LCORL: variants seen among roughly 807,000 people sequenced by gnomAD.
LCORL encodes ligand dependent nuclear receptor corepressor like, also known as ligand-dependent nuclear receptor corepressor-like protein.
A neutral mutation model predicts 141.8 loss-of-function variants in LCORL; 41 were observed. That is an observed-to-expected ratio of 0.29 (90% CI 0.23 to 0.38). The LOEUF (loss-of-function observed/expected upper bound fraction) is 0.38, where lower values mean the gene tolerates loss of function less well. LCORL is among the 10% of genes least tolerant of loss of function. LCORL has a pLI of 1.00. For synonymous variants in LCORL, 618 were observed against 694.1 expected (o/e 0.89, Z 1.72); for missense variants, 1,759 against 2,035.0 (o/e 0.86, Z 2.61).
At chr4:17,858,420 A>G (rs539164745) in intron 7 of LCORL, among the ~76,000 whole-genome samples, 1 of 152,014 alleles carries the variant, frequency 6.6e-6, no homozygotes, top group South Asian at 2.1e-4. Flanking sequence ...GAGGAGAGGG[A>G]CAGAAATACA....
chr4:18,007,725 C>A (rs1280035894), intron 1 of LCORL, among the ~76,000 whole-genome samples: 1 of 152,104 alleles, frequency 6.6e-6, no homozygotes. Flanking sequence ...AAAATAAAGG[C>A]AGCAATTTTA....
chr4:17,882,682 T>TAGA (rs1727734712), intron 6 of LCORL: 1 of 984,800 alleles, frequency 1.0e-6, no homozygotes, highest in Non-Finnish European at 1.2e-6. Context: ...TTCATTTTGA[T>TAGA]AAACTGAAAA....
exon 7 of LCORL, chr4:17,877,109 A>C: frequency 8.1e-7 from 1 of 1,230,846 alleles, no homozygotes; most frequent in South Asian, 4.1e-5. Flanking sequence ...TTATCTGTAA[A>C]GACTGCCTTC....
At chr4:17,926,508 A>T (rs1735179296) in intron 4 of LCORL, among the ~76,000 whole-genome samples, 1 of 152,200 alleles carries the variant, frequency 6.6e-6, no homozygotes, top group Admixed American at 6.5e-5. Context: ...AGGGGCTCTC[A>T]GGCCTCTGGC....
rs372033680 is a variant in LCORL at position 17,990,096 on chromosome 4, GTTTTTTTTTTT to G, written c.155-17222_155-17212del. Among the ~76,000 whole-genome samples, 10 of 122,640 alleles carry G rather than the reference GTTTTTTTTTTT, an allele frequency of 8.2e-5. No homozygotes were observed. In the Middle Eastern group the frequency reaches 0.014, roughly 169 times the overall value. The allele number at this position is 122,640 out of a possible 152,430, so 80.5% of individuals were successfully genotyped here. A position where few individuals can be genotyped will look rare whatever the true frequency, so the allele number is the denominator to read the frequency against. On this transcript the variant is annotated intron_variant, in intron 1 of 7. Coordinates refer to ENST00000635767, the Ensembl canonical transcript of LCORL. ...AGCAGAAAAAAAGAAAACTCTCTGC[GTTTTTTTTTTT>G]TTTTTTTTTGAAATGGAGTCTCGCT...
chr4:17,957,525 G>C (rs1367275714), intron 4 of LCORL, among the ~76,000 whole-genome samples: 1 of 151,870 alleles, frequency 6.6e-6, no homozygotes, highest in Non-Finnish European at 1.5e-5. Flanking sequence ...GGTCAAATTA[G>C]GGAATTAAAA....
chr4:17,851,647 A>G (rs1723729237), intron 7 of LCORL, among the ~76,000 whole-genome samples: 1 of 152,226 alleles, frequency 6.6e-6, no homozygotes, highest in Non-Finnish European at 1.5e-5. Context: ...AATAGCAATG[A>G]TGCATTGAAT....
At chr4:18,010,791 A>G (rs1723631407) in intron 1 of LCORL, among the ~76,000 whole-genome samples, 1 of 152,050 alleles carries the variant, frequency 6.6e-6, no homozygotes, top group African/African-American at 2.4e-5. Context: ...AGTAAATTTG[A>G]CTTGTTTTCA....
chr4:17,996,675 A>C (rs1203339423), intron 1 of LCORL, among the ~76,000 whole-genome samples: 2 of 152,072 alleles, frequency 1.3e-5, no homozygotes, highest in Non-Finnish European at 2.9e-5. Context: ...GAGGCCTGAC[A>C]TATTTCATAA....
intron 7 of LCORL, among the ~76,000 whole-genome samples, chr4:17,868,656 T>C (rs73098809): frequency 0.022 from 3,316 of 152,166 alleles, 113 homozygotes; most frequent in African/African-American, 0.07. Context: ...ACATTTCCCA[T>C]CCTCCACCCC....
intron 6 of LCORL, 44 bp downstream of exon 6, chr4:17,886,024 A>T (rs1476281974): frequency 9.5e-7 from 1 of 1,049,270 alleles, no homozygotes; most frequent in East Asian, 2.6e-5. Flanking sequence ...CTGCAGAGAT[A>T]ATTTTATATT....
chr4:17,978,329 C>T (rs142778763), intron 1 of LCORL, among the ~76,000 whole-genome samples: 121 of 152,252 alleles, frequency 7.9e-4, no homozygotes, highest in African/African-American at 2.8e-3. Flanking sequence ...GGCACAGTGG[C>T]TCATGCCTGT....
chr4:17,972,833 G>T (rs868494297), exon 2 of LCORL: 2 of 1,432,208 alleles, frequency 1.4e-6, no homozygotes, highest in Non-Finnish European at 9.2e-7. Flanking sequence ...CAAATAAACT[G>T]AGGTCTCTTC....
chr4:18,014,221 T>A (rs1304498691), intron 1 of LCORL, among the ~76,000 whole-genome samples: 1 of 151,602 alleles, frequency 6.6e-6, no homozygotes, highest in Non-Finnish European at 1.5e-5. Context: ...AAAGGTTGAG[T>A]TGTCTAAAGA....
chr4:17,930,246 T>C (rs762241507), intron 4 of LCORL, among the ~76,000 whole-genome samples: 6 of 152,218 alleles, frequency 3.9e-5, no homozygotes, highest in African/African-American at 1.2e-4. Context: ...AGAATGCCTG[T>C]AGCCCCAGCT....
intron 1 of LCORL, chr4:18,020,835 C>G (rs1056840744): frequency 9.2e-5 from 14 of 152,224 alleles, no homozygotes; most frequent in African/African-American, 3.4e-4. Flanking sequence ...CGCAAGCAGA[C>G]GGGGGGGAGG....
At chr4:17,903,299 A>G (rs1369601065) in intron 5 of LCORL, among the ~76,000 whole-genome samples, 1 of 152,102 alleles carries the variant, frequency 6.6e-6, no homozygotes, top group African/African-American at 2.4e-5. Context: ...CAGAATATTC[A>G]TCGGATCTTA....
chr4:18,015,383 A>G (rs1383448365), intron 1 of LCORL, among the ~76,000 whole-genome samples: 1 of 152,216 alleles, frequency 6.6e-6, no homozygotes, highest in Non-Finnish European at 1.5e-5. Flanking sequence ...GGTTCCAAAA[A>G]TGGCAGAATT....
chr4:17,947,183 C>T (rs1739020615), intron 4 of LCORL, among the ~76,000 whole-genome samples: 1 of 151,900 alleles, frequency 6.6e-6, no homozygotes, highest in Non-Finnish European at 1.5e-5. Context: ...TACACACACA[C>T]ATACAATGGG....
Sources: gnomAD v4.1 joint callset for allele counts (sites outside exome capture counted in the v4.1 genomes callset) on GRCh38, gnomAD v4.1.1 for gene constraint, MANE v1.5 for transcripts, NCBI Gene and HGNC (gene_info 2026-07-23, HGNC 2026-07-21) for gene names.